The following MAJIN variants were observed in gnomAD, a reference collection of about 807,000 sequenced individuals.
MAJIN encodes membrane anchored junction protein.
A neutral mutation model predicts 30.2 loss-of-function variants in MAJIN; 27 were observed. The ratio of observed to expected loss-of-function variants is 0.89; its 90% CI spans 0.66 to 1.23. The LOEUF (loss-of-function observed/expected upper bound fraction) is 1.23, where lower values mean the gene tolerates loss of function less well. Ranked by LOEUF, MAJIN falls within the 50% of genes most tolerant of loss-of-function variation. The pLI is 0.00. For synonymous variants in MAJIN, 78 were observed against 91.6 expected, an observed-to-expected ratio of 0.85 and a Z score of 0.85; for missense variants, 253 against 260.3, an observed-to-expected ratio of 0.97 and a Z score of 0.19.
At chr11:64,953,412 C>T (rs1056119954) in intron 4 of MAJIN, among the ~76,000 whole-genome samples, 2 of 152,122 alleles carry the variant, frequency 1.3e-5, no homozygotes, top group African/African-American at 4.8e-5. Context: ...GTCTGTGTTC[C>T]CTCCTCTCTG....
intron 10 of MAJIN, 81 bp downstream of exon 10, chr11:64,939,581 T>C: frequency 1.7e-5 from 21 of 1,262,790 alleles, no homozygotes; most frequent in Non-Finnish European, 2.4e-5. Flanking sequence ...TGCTTTCTTT[T>C]CTATTCTAAT....
intron 8 of MAJIN, among the ~76,000 whole-genome samples, chr11:64,940,980 A>G (rs1945369032): frequency 6.6e-6 from 1 of 150,532 alleles, no homozygotes; most frequent in African/African-American, 2.4e-5. Context: ...CTGGGACTAC[A>G]GGCGCCCGCC....
chr11:64,942,277 G>A (rs1316715710), intron 8 of MAJIN, among the ~76,000 whole-genome samples: 1 of 151,620 alleles, frequency 6.6e-6, no homozygotes, highest in African/African-American at 2.4e-5. Context: ...CCGTTTTTTA[G>A]AATTTATTTT....
intron 3 of MAJIN, among the ~76,000 whole-genome samples, chr11:64,958,723 AC>A (rs1295292938): frequency 2.0e-5 from 3 of 151,912 alleles, no homozygotes; most frequent in African/African-American, 7.3e-5. Flanking sequence ...ATCTCAGCTC[AC>A]TGCAACCTCC....
intron 1 of MAJIN, among the ~76,000 whole-genome samples, chr11:64,971,037 G>A (rs1207331760): frequency 6.6e-6 from 1 of 152,188 alleles, no homozygotes; most frequent in East Asian, 1.9e-4. Context: ...GCTCACACCT[G>A]TAATCCCAGC....
At chr11:64,963,643 G>C (rs540881031) in intron 1 of MAJIN, among the ~76,000 whole-genome samples, 1 of 152,288 alleles carries the variant, frequency 6.6e-6, no homozygotes, top group East Asian at 1.9e-4. Context: ...TTTGAGACCA[G>C]GCTGGCCAAC....
chr11:64,938,496 T>C lies in MAJIN; in HGVS notation c.*79A>G, dbSNP rs770834762. The stretch of plus-strand genomic sequence containing the variant: ...CGGGAGGAGTCACTACAAGAGATGA[T>C]CCTCTTTCCAGCGCTGCATTTGGAA... On this transcript the variant is annotated 3_prime_UTR_variant, in exon 11 of 11. Transcript: ENST00000301896. 3 of 1,529,830 alleles carry C rather than the reference T, an allele frequency of 2.0e-6. No individual in the cohort carries two copies. In the South Asian group the frequency reaches 3.6e-5, roughly 18 times the overall value. 94.8% of individuals were successfully genotyped at this position (1,529,830 alleles called of 1,614,324 possible).
At chr11:64,947,887 T>A in intron 6 of MAJIN, 68 bp from the exon 7 acceptor site, 1 of 1,401,252 alleles carries the variant, frequency 7.1e-7, no homozygotes. Context: ...GGAGATTAAG[T>A]CTCTCTCTGT....
At chr11:64,963,290 T>C (rs1462190023) in intron 1 of MAJIN, among the ~76,000 whole-genome samples, 1 of 152,216 alleles carries the variant, frequency 6.6e-6, no homozygotes, top group Non-Finnish European at 1.5e-5. Context: ...GAATTAGATG[T>C]AAATGACACA....
At chr11:64,949,627 C>A in intron 6 of MAJIN, 116 bp downstream of exon 6, 2 of 1,351,112 alleles carry the variant, frequency 1.5e-6, no homozygotes, top group East Asian at 2.3e-5. Flanking sequence ...AGCACATGAT[C>A]CTGACCTGTG....
chr11:64,947,880 G>C (rs890720038), intron 6 of MAJIN, 61 bp from the exon 7 acceptor site: 1 of 1,365,126 alleles, frequency 7.3e-7, no homozygotes, highest in Non-Finnish European at 1.0e-6. Context: ...TTTTTTTGGA[G>C]ATTAAGTCTC....
chr11:64,961,871 G>A (rs1412716743), intron 1 of MAJIN, among the ~76,000 whole-genome samples: 3 of 150,024 alleles, frequency 2.0e-5, no homozygotes, highest in Non-Finnish European at 4.4e-5. Context: ...TCACTGCAGC[G>A]CCAAACTCCT....
At chr11:64,940,715 T>C in intron 8 of MAJIN, 69 bp from the exon 9 acceptor site, 1 of 1,420,420 alleles carries the variant, frequency 7.0e-7, no homozygotes. Flanking sequence ...TGAATGCTAT[T>C]TGCTGGTGAA....
At chr11:64,955,855 A>G (rs1945622032) in intron 3 of MAJIN, among the ~76,000 whole-genome samples, 1 of 152,236 alleles carries the variant, frequency 6.6e-6, no homozygotes, top group African/African-American at 2.4e-5. Flanking sequence ...CCAGTGAAAC[A>G]CATCATGTTA....
At chr11:64,948,213 C>T (rs1945481201) in intron 6 of MAJIN, among the ~76,000 whole-genome samples, 1 of 151,988 alleles carries the variant, frequency 6.6e-6, no homozygotes, top group Non-Finnish European at 1.5e-5. Context: ...AAAGACTCCT[C>T]ATGTGCCCTT....
At chr11:64,966,917 G>A (rs1412629145) in intron 1 of MAJIN, among the ~76,000 whole-genome samples, 1 of 130,872 alleles carries the variant, frequency 7.6e-6, no homozygotes, top group East Asian at 2.2e-4. Flanking sequence ...CTGAGCGACA[G>A]AATGACTGTC....
chr11:64,969,017 T>C (rs772500541), intron 1 of MAJIN, among the ~76,000 whole-genome samples: 1 of 152,016 alleles, frequency 6.6e-6, no homozygotes, highest in African/African-American at 2.4e-5. Context: ...AATTAATAAA[T>C]AGTTAGATTT....
intron 1 of MAJIN, among the ~76,000 whole-genome samples, chr11:64,968,482 G>A (rs954092708): frequency 1.3e-5 from 2 of 151,554 alleles, no homozygotes; most frequent in African/African-American, 2.4e-5. Flanking sequence ...TGCTGGTCTC[G>A]AACTCCGGAG....
chr11:64,970,332 C>G (rs1055864739), intron 1 of MAJIN, among the ~76,000 whole-genome samples: 34 of 147,642 alleles, frequency 2.3e-4, no homozygotes, highest in Admixed American at 7.4e-4. Context: ...CATTGCACTC[C>G]AGCCTGGGGG....
Sources: allele counts gnomAD v4.1 joint callset (sites outside exome capture counted in the v4.1 genomes callset), GRCh38; gene constraint gnomAD v4.1.1; transcripts MANE v1.5; gene names NCBI Gene and HGNC (gene_info 2026-07-23, HGNC 2026-07-21).